Variants in RALGAPA1 observed in about 807,000 individuals in gnomAD.
RALGAPA1 encodes Ral GTPase activating protein catalytic subunit alpha 1, also known as ral GTPase-activating protein subunit alpha-1.
RALGAPA1 carries 52 observed loss-of-function variants against 269.6 expected under a neutral mutation model. The observed-to-expected ratio is 0.19, with a 90% CI of 0.15 to 0.24. The LOEUF (loss-of-function observed/expected upper bound fraction) is 0.24. RALGAPA1 is among the 10% of genes least tolerant of loss of function. The pLI, the probability that RALGAPA1 is intolerant of heterozygous loss-of-function variation, is 1.00. For synonymous variants in RALGAPA1, 817 were observed against 1,008.3 expected, an observed-to-expected ratio of 0.81 and a Z score of 3.60; for missense variants, 1,917 against 3,013.9, an observed-to-expected ratio of 0.64 and a Z score of 8.52.
intron 1 of RALGAPA1, among the ~76,000 whole-genome samples, chr14:35,805,848 C>T (rs1330569247): frequency 6.6e-6 from 1 of 151,784 alleles, no homozygotes; most frequent in Admixed American, 6.6e-5. Context: ...CCATGCCTGG[C>T]TAATTTTTGT....
rs2054758106 is a variant in RALGAPA1 at position 35,549,349 on chromosome 14, C to T, written c.7497-115G>A. 5 of 1,047,266 alleles carry T rather than the reference C, an allele frequency of 4.8e-6. No individual in the cohort carries two copies. In the Admixed American group the frequency reaches 8.3e-5, roughly 17 times the overall value. 64.9% of individuals were successfully genotyped at this position (1,047,266 alleles called of 1,614,324 possible). On this transcript the variant is annotated intron_variant, in intron 39 of 41. Coordinates refer to ENST00000680220, the MANE Select transcript of RALGAPA1 (RefSeq NM_001346249.2). The stretch of plus-strand genomic sequence containing the variant: ...TTACTTCTTAATAAATAGAATTATT[C>T]ACTAATTATTCTTATATATTGTTAA...
At chr14:35,652,364 TTATA>T (rs10645179) in intron 30 of RALGAPA1, among the ~76,000 whole-genome samples, 5 of 147,906 alleles carry the variant, frequency 3.4e-5, no homozygotes, top group Admixed American at 6.7e-5. Context: ...GGCCTTTTGT[TTATA>T]TATATATATA....
intron 7 of RALGAPA1, 54 bp from the exon 8 acceptor site, chr14:35,752,216 G>A (rs755111606): frequency 1.6e-5 from 22 of 1,415,186 alleles, no homozygotes; most frequent in Non-Finnish European, 1.9e-5. Context: ...TCTCTTAAAT[G>A]CAAGTATTAG....
intron 11 of RALGAPA1, among the ~76,000 whole-genome samples, chr14:35,739,686 C>T (rs2071371129): frequency 6.6e-6 from 1 of 152,106 alleles, no homozygotes; most frequent in Admixed American, 6.6e-5. Context: ...CTCAAAAACA[C>T]TAGTATATCT....
Position 35,689,196 on chromosome 14 carries a change from T to C in RALGAPA1, c.3215A>G (p.Asp1072Gly), listed in dbSNP as rs1349638029. 3.2e-6 allele frequency: 4 copies of C among 1,232,894 alleles called. No individual in the cohort carries two copies. The highest frequency in any genetic ancestry group is 4.0e-6 in the Non-Finnish European group (4 of 988,640). 76.4% of individuals were successfully genotyped at this position (1,232,894 alleles called of 1,614,324 possible). A position where few individuals can be genotyped will look rare whatever the true frequency, so the allele number is the denominator to read the frequency against. The change falls in exon 18 of 42, where the codon GAT becomes GGT. Residue 1072 changes from aspartate (D) to glycine (G), a missense_variant. Asp to Gly is a moderately conservative substitution (Grantham distance 94). This residue lies in a region of RALGAPA1 where 615 missense variants were observed against 790.0 expected (regional missense o/e 0.78). Coordinates refer to ENST00000680220, the MANE Select transcript of RALGAPA1 (RefSeq NM_001346249.2). ...HLYRQAATEL[D>G]ACVDVTLVEK... ...AACTAGTGTTACATCAACACAAGCA[T>C]CTAATTCTGTGGCTGCTTGTCTGTA...
At chr14:35,641,074 C>A (rs1356657361) in intron 31 of RALGAPA1, among the ~76,000 whole-genome samples, 2 of 151,954 alleles carry the variant, frequency 1.3e-5, no homozygotes, top group African/African-American at 4.8e-5. Context: ...CACAAAAAAA[C>A]TGGGAAGGAA....
chr14:35,700,836 C>G (rs764151780), intron 16 of RALGAPA1, among the ~76,000 whole-genome samples: 14 of 152,050 alleles, frequency 9.2e-5, no homozygotes, highest in Non-Finnish European at 1.5e-4. Flanking sequence ...AATTCATAGT[C>G]AAAAGGATTT....
intron 36 of RALGAPA1, among the ~76,000 whole-genome samples, chr14:35,604,325 G>A (rs2059458119): frequency 6.6e-6 from 1 of 151,886 alleles, no homozygotes; most frequent in Non-Finnish European, 1.5e-5. Flanking sequence ...ATCTTACAGA[G>A]TATATTCTGT....
chr14:35,575,129 A>G (rs2057464063), intron 37 of RALGAPA1, among the ~76,000 whole-genome samples: 1 of 18,202 alleles, frequency 5.5e-5, no homozygotes, highest in African/African-American at 1.6e-4. Flanking sequence ...CTCCATCTCA[A>G]AGAAAAAAAA....
chr14:35,613,579 C>T (rs1046695431), intron 35 of RALGAPA1, among the ~76,000 whole-genome samples: 2 of 152,206 alleles, frequency 1.3e-5, no homozygotes, highest in African/African-American at 4.8e-5. Flanking sequence ...TTCCTTGCCT[C>T]TTCTAAGATT....
At chr14:35,791,065 C>T (rs1354607478) in intron 1 of RALGAPA1, among the ~76,000 whole-genome samples, 1 of 152,070 alleles carries the variant, frequency 6.6e-6, no homozygotes, top group African/African-American at 2.4e-5. Flanking sequence ...AGAGCAGCGA[C>T]AAAGTTTGAA....
intron 36 of RALGAPA1, among the ~76,000 whole-genome samples, chr14:35,600,390 C>G (rs1304201512): frequency 6.6e-6 from 1 of 151,772 alleles, no homozygotes; most frequent in Non-Finnish European, 1.5e-5. Context: ...GCCACCACAC[C>G]TGGTTAATTT....
chr14:35,727,347 A>ATG (rs59640063), intron 13 of RALGAPA1, among the ~76,000 whole-genome samples: 106 of 129,290 alleles, frequency 8.2e-4, no homozygotes, highest in Non-Finnish European at 1.5e-3. Context: ...ATATATATAT[A>ATG]GTATAATACT....
At chr14:35,591,688 G>A (rs974503726) in intron 37 of RALGAPA1, among the ~76,000 whole-genome samples, 2 of 152,076 alleles carry the variant, frequency 1.3e-5, no homozygotes, top group Non-Finnish European at 2.9e-5. Flanking sequence ...CATGTACTAA[G>A]GGCCTTGAAA....
intron 16 of RALGAPA1, among the ~76,000 whole-genome samples, chr14:35,710,139 A>G (rs1018635608): frequency 2.0e-5 from 3 of 152,214 alleles, no homozygotes; most frequent in Non-Finnish European, 4.4e-5. Flanking sequence ...TAAATATCCA[A>G]CCACAGTACC....
intron 37 of RALGAPA1, among the ~76,000 whole-genome samples, chr14:35,585,958 C>T (rs559132280): frequency 6.6e-6 from 1 of 152,120 alleles, no homozygotes; most frequent in African/African-American, 2.4e-5. Context: ...TCCACGTGAA[C>T]TTTAAAGTAG....
intron 33 of RALGAPA1, among the ~76,000 whole-genome samples, chr14:35,630,397 C>T (rs1326644005): frequency 1.3e-5 from 2 of 151,962 alleles, no homozygotes; most frequent in Non-Finnish European, 2.9e-5. Context: ...AAGCAATTCT[C>T]CTGCCTCAGC....
chr14:35,691,484 A>G (rs775356997), intron 17 of RALGAPA1, among the ~76,000 whole-genome samples: 6 of 152,234 alleles, frequency 3.9e-5, no homozygotes, highest in Admixed American at 1.3e-4. Flanking sequence ...GTTAAATGCA[A>G]CAGAACTATA....
chr14:35,614,550 A>C (rs2060134587), intron 35 of RALGAPA1, among the ~76,000 whole-genome samples: 1 of 152,124 alleles, frequency 6.6e-6, no homozygotes, highest in African/African-American at 2.4e-5. Context: ...GTGTTATCTA[A>C]GGCTGGGGGG....
Sources: allele counts gnomAD v4.1 joint callset (sites outside exome capture counted in the v4.1 genomes callset), GRCh38; gene constraint gnomAD v4.1.1; regional missense constraint gnomAD v4.1.1; transcripts MANE v1.5; gene names NCBI Gene and HGNC (gene_info 2026-07-23, HGNC 2026-07-21).